Variants in MPDZ observed in about 807,000 individuals in gnomAD.
MPDZ encodes the protein multiple PDZ domain protein.
MPDZ carries 234 observed loss-of-function variants against 239.1 expected under a neutral mutation model. The observed-to-expected ratio is 0.98, with a 90% CI of 0.88 to 1.09. The LOEUF (loss-of-function observed/expected upper bound fraction) is 1.09, where lower values mean the gene tolerates loss of function less well. MPDZ is among the 50% of genes least tolerant of loss of function. The pLI is 0.00. For synonymous variants in MPDZ, 1,048 were observed against 881.3 expected (o/e 1.19, Z -3.35); for missense variants, 3,175 against 2,510.0 (o/e 1.26, Z -5.66).
Position 13,190,183 on chromosome 9 carries a change from C to T in MPDZ, c.2085G>A (p.Glu695=), listed in dbSNP as rs374060944. 5 of 1,613,174 alleles carry T rather than the reference C, an allele frequency of 3.1e-6. No individual in the cohort carries two copies. The highest frequency in any genetic ancestry group is 4.2e-6 in the Non-Finnish European group (5 of 1,179,558). The change falls in exon 16 of 47, where the codon GAG becomes GAA. Residue 695 remains glutamate (E), a synonymous_variant. Transcript: ENST00000319217. ...EEVQAPLAMW[E]AGIQHIELEK... is the part of the protein sequence containing the mutation. Reference sequence around the variant, plus strand: ...CCAGCTCTATGTGCTGAATGCCAGCCTCCCACATGGCCAAAGGTGCTTGAA... The same window carrying T: ...CCAGCTCTATGTGCTGAATGCCAGCTTCCCACATGGCCAAAGGTGCTTGAA...
At chr9:13,144,487 T>TTGA (rs1222710691) in intron 26 of MPDZ, among the ~76,000 whole-genome samples, 1 of 152,106 alleles carries the variant, frequency 6.6e-6, no homozygotes, top group Non-Finnish European at 1.5e-5. Context: ...TTTTCTTTTA[T>TTGA]TGACTATATC....
At chr9:13,167,005 GCAGCAGACTGGTAT>G in intron 22 of MPDZ, among the ~76,000 whole-genome samples, 1 of 152,164 alleles carries the variant, frequency 6.6e-6, no homozygotes, top group Admixed American at 6.6e-5. Context: ...CAAAAAGTGG[GCAGCAGACTGGTAT>G]CAGCACACAC....
chr9:13,166,870 A>T (rs1587444268), intron 22 of MPDZ, among the ~76,000 whole-genome samples: 2 of 152,154 alleles, frequency 1.3e-5, no homozygotes, highest in African/African-American at 4.8e-5. Flanking sequence ...AGTTGACCAG[A>T]TGCATGACTT....
intron 46 of MPDZ, among the ~76,000 whole-genome samples, chr9:13,107,900 T>A (rs1244290659): frequency 6.6e-6 from 1 of 152,192 alleles, no homozygotes; most frequent in African/African-American, 2.4e-5. Context: ...ATGCCTTAAA[T>A]AAATTGTTCC....
chr9:13,128,891 A>G (rs1008150776), intron 32 of MPDZ, among the ~76,000 whole-genome samples: 1 of 152,184 alleles, frequency 6.6e-6, no homozygotes, highest in African/African-American at 2.4e-5. Flanking sequence ...CTGACACTGG[A>G]TGGCACAGTG....
At chr9:13,209,493 C>T (rs1001170976) in intron 10 of MPDZ, among the ~76,000 whole-genome samples, 3 of 152,224 alleles carry the variant, frequency 2.0e-5, no homozygotes, top group South Asian at 2.1e-4. Context: ...TGGAAAAAAA[C>T]CATACAATCT....
chr9:13,200,966 G>A (rs1415509864), intron 12 of MPDZ, among the ~76,000 whole-genome samples: 7 of 151,970 alleles, frequency 4.6e-5, no homozygotes, highest in Admixed American at 6.6e-5. Flanking sequence ...TTTTACTGTT[G>A]ATTTTCTGTC....
chr9:13,151,900 A>G (rs1587291501), intron 24 of MPDZ, among the ~76,000 whole-genome samples: 2 of 150,760 alleles, frequency 1.3e-5, no homozygotes, highest in Admixed American at 1.3e-4. Context: ...AGTAAAACAA[A>G]GATAGTTTAA....
At chr9:13,261,391 C>G (rs1970653319) in intron 1 of MPDZ, among the ~76,000 whole-genome samples, 1 of 152,016 alleles carries the variant, frequency 6.6e-6, no homozygotes, top group Admixed American at 6.6e-5. Flanking sequence ...CTGTTTGCTC[C>G]ATTTAAACAC....
At chr9:13,244,558 T>TA (rs1160461077) in intron 3 of MPDZ, among the ~76,000 whole-genome samples, 1 of 152,222 alleles carries the variant, frequency 6.6e-6, no homozygotes, top group Non-Finnish European at 1.5e-5. Context: ...GTGGCAGAGT[T>TA]AAACAGAGAC....
intron 21 of MPDZ, 85 bp downstream of exon 21, chr9:13,175,667 T>C (rs984037818): frequency 1.0e-5 from 14 of 1,379,426 alleles, no homozygotes; most frequent in African/African-American, 1.4e-5. Context: ...ATCTACAGCA[T>C]AAAAAATTGA....
At chr9:13,169,580 T>G (rs1416966091) in intron 21 of MPDZ, among the ~76,000 whole-genome samples, 1 of 152,150 alleles carries the variant, frequency 6.6e-6, no homozygotes, top group Non-Finnish European at 1.5e-5. Flanking sequence ...AAAAGCCTCC[T>G]TCCTAACTGG....
In MPDZ at chr9:13,219,698, T is replaced by C. The variant is rs1299538478; in HGVS notation, c.947A>G (p.Glu316Gly). The C allele has an allele frequency of 2.5e-6, 4 of 1,612,708 alleles. No individual in the cohort carries two copies. The highest frequency in any genetic ancestry group is 1.6e-4 in the Middle Eastern group (1 of 6,078). ...TTGCCTAAGGACTTGTGCTACTTGC[T>C]CACTGCTCATTCCTGCTAGATCTGT... ...GDTDLAGMSS[E>G]QVAQVLRQCG... The change falls in exon 8 of 47, where the codon GAG becomes GGG. Residue 316 changes from glutamate to glycine, a missense_variant. By Grantham distance (98) the Glu-to-Gly change is moderately conservative. Transcript: ENST00000319217.
At chr9:13,125,685 C>T (rs1050205080) in intron 34 of MPDZ, among the ~76,000 whole-genome samples, 5 of 152,052 alleles carry the variant, frequency 3.3e-5, no homozygotes, top group African/African-American at 7.2e-5. Context: ...TAATCTCATC[C>T]GTTTTTCTGA....
rs1372833339 is a variant in MPDZ, at chr9:13,279,500, C to G, written c.-158G>C. On this transcript the variant is annotated 5_prime_UTR_variant, in exon 1 of 47. Transcript: ENST00000319217. Reference sequence around the variant, plus strand: ...GGATGCCTCGCCTCGCCCACGCTCACTGTCTTCTCTTCTGAAGTAACGACC... The same window carrying G: ...GGATGCCTCGCCTCGCCCACGCTCAGTGTCTTCTCTTCTGAAGTAACGACC... 2 of 141,802 alleles carry G rather than the reference C, an allele frequency of 1.4e-5. No homozygotes were observed. The highest frequency in any genetic ancestry group is 5.1e-5 in the African/African-American group (2 of 39,244). The allele number at this position is 141,802 out of a possible 1,614,324, so 8.8% of individuals were successfully genotyped here.
chr9:13,195,829 C>G (rs544997441), intron 13 of MPDZ, among the ~76,000 whole-genome samples: 1 of 152,196 alleles, frequency 6.6e-6, no homozygotes. Context: ...GTTTAAAAAT[C>G]AGAAAAATCC....
At chr9:13,194,099 C>T (rs770102899) in intron 13 of MPDZ, among the ~76,000 whole-genome samples, 3 of 152,096 alleles carry the variant, frequency 2.0e-5, no homozygotes, top group Non-Finnish European at 2.9e-5. Context: ...CAATAATGTC[C>T]ATTAGTCAGT....
Position 13,162,807 on chromosome 9 carries a change from C to T in MPDZ, c.3255-12G>A. ...GCACATAAGTAATTCTGGAACAAAC[C>T]AGAATCCATGGAAGTGAAGGGAAAT... On this transcript the variant is annotated splice_polypyrimidine_tract_variant and intron_variant, in intron 22 of 46. Transcript: ENST00000319217. 6.4e-7 allele frequency: 1 copy of T among 1,570,102 alleles called. No individual in the cohort carries two copies. Among genetic ancestry groups the T allele is most frequent in the East Asian group, 2.3e-5 (1 of 43,998 alleles).
chr9:13,261,786 T>C (rs747642875), intron 1 of MPDZ, among the ~76,000 whole-genome samples: 4 of 151,276 alleles, frequency 2.6e-5, no homozygotes, highest in Non-Finnish European at 2.9e-5. Context: ...AAGCCCAGCA[T>C]TTTGAGAAGC....
Sources: allele counts gnomAD v4.1 joint callset (sites outside exome capture counted in the v4.1 genomes callset), GRCh38; gene constraint gnomAD v4.1.1; transcripts MANE v1.5; gene names NCBI Gene and HGNC (gene_info 2026-07-23, HGNC 2026-07-21).